Variants in OPTC observed in about 807,000 individuals in gnomAD.
OPTC encodes the protein opticin.
A neutral mutation model predicts 25.4 loss-of-function variants in OPTC; 22 were observed. That is an observed-to-expected ratio of 0.87 (90% CI 0.62 to 1.24). The LOEUF is 1.24. OPTC is among the 50% of genes most tolerant of loss of function. The pLI, the probability that OPTC is intolerant of heterozygous loss-of-function variation, is 0.00. For synonymous variants in OPTC, 169 were observed against 179.3 expected (o/e 0.94, Z 0.46); for missense variants, 417 against 425.2 (o/e 0.98, Z 0.17).
chr1:203,499,901 T>C (rs1661348419), intron 5 of OPTC, 50 bp downstream of exon 5: 6 of 1,460,082 alleles, frequency 4.1e-6, no homozygotes, highest in East Asian at 2.3e-5. Flanking sequence ...CACCCACCTC[T>C]ACCACCACCC....
intron 7 of OPTC, among the ~76,000 whole-genome samples, 151 bp from the exon 8 acceptor site, chr1:203,508,495 G>A (rs1356460458): frequency 1.3e-5 from 2 of 152,118 alleles, no homozygotes; most frequent in Non-Finnish European, 2.9e-5. Flanking sequence ...GGCCAGGACA[G>A]AGGCAGACAG....
Position 203,499,784 on chromosome 1 carries a change from G to A in OPTC, c.665G>A (p.Gly222Asp). ...GAAGCTCTGCCCGTGCTGCCCAGTGGCATTGAGTTCCTGGATGTCCGCCTA... is the reference window on the plus strand; with the variant it reads ...GAAGCTCTGCCCGTGCTGCCCAGTGACATTGAGTTCCTGGATGTCCGCCTA... ...QLEALPVLPS[G>D]IEFLDVRLNR... is the part of the protein sequence containing the mutation. The change falls in exon 5 of 8, where the codon GGC becomes GAC. Residue 222 changes from glycine (G) to aspartate (D), a missense_variant. By Grantham distance (94) the Gly-to-Asp change is moderately conservative. Transcript: ENST00000367222. 3 of 1,612,748 alleles carry A rather than the reference G, an allele frequency of 1.9e-6. No individual in the cohort carries two copies. Among genetic ancestry groups the A allele is most frequent in the Admixed American group, 3.3e-5 (2 of 59,974 alleles).
At chr1:203,498,899 A>G in intron 4 of OPTC, 60 bp downstream of exon 4, 2 of 1,586,288 alleles carry the variant, frequency 1.3e-6, no homozygotes, top group Admixed American at 1.7e-5. Context: ...CCCTGCCACT[A>G]GGACAGTCAC....
At position 203,503,738 on chromosome 1, in the gene OPTC, C is replaced by T. The variant is rs780266698; in HGVS notation, c.*18C>T. The stretch of plus-strand genomic sequence containing the variant: ...TCACGTAGCTCGGAGCCCTTCCACT[C>T]CTCCCAGGTAAGAACCCTCCAAGGA... On this transcript the variant is annotated 3_prime_UTR_variant, in exon 7 of 8. Transcript: ENST00000367222. 12 of 1,600,960 alleles carry T rather than the reference C, an allele frequency of 7.5e-6. No homozygotes were observed. Among genetic ancestry groups the T allele is most frequent in the East Asian group, 2.2e-5 (1 of 44,890 alleles).
In OPTC at chr1:203,497,126, A is replaced by G. The variant is rs771569384; in HGVS notation, c.370+11A>G. 6.2e-6 allele frequency: 10 copies of G among 1,613,872 alleles called. No homozygotes were observed. The highest frequency in any genetic ancestry group is 1.3e-5 in the African/African-American group (1 of 74,908). ...CCCAGCCCAACCATGGTAAGTGCACAGTCACATGGTCGCAATATCCCTAGG... is the reference window on the plus strand; with the variant it reads ...CCCAGCCCAACCATGGTAAGTGCACGGTCACATGGTCGCAATATCCCTAGG... On this transcript the variant is annotated intron_variant, in intron 3 of 7. Transcript: ENST00000367222.
chr1:203,503,312 GTCCTTCCC>G (rs966290010), intron 6 of OPTC, among the ~76,000 whole-genome samples: 6 of 151,030 alleles, frequency 4.0e-5, no homozygotes, highest in Non-Finnish European at 5.9e-5. Context: ...CTTCCCTTCA[GTCCTTCCC>G]TCCTTCCTCT....
At chr1:203,507,205 G>C (rs1661506596) in intron 7 of OPTC, among the ~76,000 whole-genome samples, 1 of 152,202 alleles carries the variant, frequency 6.6e-6, no homozygotes, top group South Asian at 2.1e-4. Flanking sequence ...AAGGGGTTAG[G>C]GTTGGGCAAC....
chr1:203,496,198 T>G lies in OPTC; in HGVS notation c.193T>G (p.Tyr65Asp). 6.2e-7 allele frequency: 1 copy of G among 1,614,074 alleles called. No homozygotes were observed. ...TGGTGAAGTCATTGACCTGAGCAAC[T>G]ATGAGGAGCTCACAGATTATGGGGA... ...NYGEVIDLSN[Y>D]EELTDYGDQL... Residue 65 changes from tyrosine to aspartate, a missense_variant, in exon 2 of 8, where the codon TAT (tyrosine) becomes GAT (aspartate). By Grantham distance (160) the Tyr-to-Asp change is radical. Coordinates refer to ENST00000367222, the MANE Select transcript of OPTC (RefSeq NM_014359.4).
chr1:203,503,559 A>G lies in OPTC; in HGVS notation c.838A>G (p.Ile280Val), dbSNP rs1452979450. The change falls in exon 7 of 8, where the codon ATA becomes GTA. Residue 280 changes from isoleucine (I) to valine (V), a missense_variant. Physicochemically the swap from Ile to Val is conservative, Grantham distance 29 (BLOSUM62 3). Coordinates refer to ENST00000367222, the MANE Select transcript of OPTC (RefSeq NM_014359.4). ...LRSVHLQNNL[I>V]ETMQRDVFCD... The stretch of plus-strand genomic sequence containing the variant: ...TATGTGTTCTTCCCAGAATAACCTG[A>G]TAGAGACCATGCAGAGAGACGTCTT... 1.2e-6 allele frequency: 2 copies of G among 1,613,442 alleles called. No individual in the cohort carries two copies. Among genetic ancestry groups the G allele is most frequent in the Admixed American group, 3.3e-5 (2 of 60,018 alleles).
At chr1:203,496,384 G>T in intron 2 of OPTC, 148 bp downstream of exon 2, 1 of 704,028 alleles carries the variant, frequency 1.4e-6, no homozygotes, top group South Asian at 1.5e-5. Flanking sequence ...ATAGGGACTT[G>T]TCACTTAGAT....
intron 1 of OPTC, among the ~76,000 whole-genome samples, chr1:203,494,502 A>G (rs1008201702): frequency 2.6e-5 from 4 of 152,068 alleles, no homozygotes; most frequent in African/African-American, 9.7e-5. Flanking sequence ...TGGGGAGGTT[A>G]ACTGGGCATG....
chr1:203,498,103 A>C (rs28631828), intron 3 of OPTC, among the ~76,000 whole-genome samples: 5,867 of 152,284 alleles, frequency 0.039, 178 homozygotes, highest in Non-Finnish European at 0.06. Flanking sequence ...GCCTAACCTC[A>C]TTACCCGTGG....
chr1:203,507,327 G>A (rs1661510080), intron 7 of OPTC, among the ~76,000 whole-genome samples: 1 of 152,220 alleles, frequency 6.6e-6, no homozygotes, highest in Non-Finnish European at 1.5e-5. Flanking sequence ...CCCTGAGAGA[G>A]TACAAAGGAA....
chr1:203,502,939 A>C lies in OPTC; in HGVS notation c.758A>C (p.Tyr253Ser), dbSNP rs558277585. ...GCAATGGAGAAGCTGCAGTTCCTTTACCTGTCAGACAACCTGCTGGATTCT... is the reference window on the plus strand; with the variant it reads ...GCAATGGAGAAGCTGCAGTTCCTTTCCCTGTCAGACAACCTGCTGGATTCT... ...FRAMEKLQFL[Y>S]LSDNLLDSIP... Residue 253 changes from tyrosine to serine, a missense_variant, in exon 6 of 8, where the codon TAC becomes TCC. Physicochemically the swap from Tyr to Ser is moderately radical, Grantham distance 144. Transcript: ENST00000367222. 1 of 1,613,888 alleles carries C rather than the reference A, an allele frequency of 6.2e-7. No homozygotes were observed. Among genetic ancestry groups the C allele is most frequent in the South Asian group, 1.1e-5 (1 of 91,074 alleles).
intron 3 of OPTC, among the ~76,000 whole-genome samples, chr1:203,497,343 T>C (rs1039271842): frequency 6.6e-6 from 1 of 152,126 alleles, no homozygotes; most frequent in Non-Finnish European, 1.5e-5. Context: ...ATGTACAAGT[T>C]GAGTAAGAAG....
intron 7 of OPTC, 130 bp downstream of exon 7, chr1:203,503,875 C>G: frequency 1.3e-6 from 1 of 779,518 alleles, no homozygotes; most frequent in Non-Finnish European, 2.2e-6. Flanking sequence ...CACACACATG[C>G]ACACGCATGC....
intron 3 of OPTC, among the ~76,000 whole-genome samples, chr1:203,497,508 G>C (rs998038310): frequency 6.6e-6 from 1 of 152,308 alleles, no homozygotes; most frequent in East Asian, 1.9e-4. Flanking sequence ...CTTGGCATGG[G>C]AGCAAATGAA....
intron 7 of OPTC, among the ~76,000 whole-genome samples, chr1:203,506,265 C>T (rs1661485663): frequency 6.6e-6 from 1 of 151,218 alleles, no homozygotes; most frequent in Admixed American, 6.6e-5. Context: ...AATTCTCCTG[C>T]CTCAGCCTCC....
chr1:203,497,276 G>T (rs1271251013), intron 3 of OPTC, among the ~76,000 whole-genome samples, 161 bp downstream of exon 3: 1 of 152,164 alleles, frequency 6.6e-6, no homozygotes, highest in South Asian at 2.1e-4. Context: ...GCCACAGTAA[G>T]AACAGGAAAA....
Sources: gnomAD v4.1 joint callset for allele counts (sites outside exome capture counted in the v4.1 genomes callset) on GRCh38, gnomAD v4.1.1 for gene constraint, MANE v1.5 for transcripts, NCBI Gene and HGNC (gene_info 2026-07-23, HGNC 2026-07-21) for gene names.